CNTNAP2: variants seen among roughly 807,000 people sequenced by gnomAD.
The protein encoded by CNTNAP2 is contactin-associated protein-like 2.
CNTNAP2 carries 98 observed loss-of-function variants against 155.2 expected under a neutral mutation model. That is an observed-to-expected ratio of 0.63 (90% CI 0.54 to 0.75). CNTNAP2 has a LOEUF of 0.75. Among genes scored for constraint, CNTNAP2 ranks in the 30% least tolerant of loss-of-function variants. CNTNAP2 has a pLI of 0.00. For missense variants in CNTNAP2, 1,727 were observed against 1,688.1 expected (o/e 1.02, Z -0.40); for synonymous variants, 651 against 631.2 (o/e 1.03, Z -0.47).
chr7:146,876,295 C>T (rs1266740494), intron 3 of CNTNAP2, among the ~76,000 whole-genome samples: 2 of 152,040 alleles, frequency 1.3e-5, no homozygotes, highest in Admixed American at 6.6e-5. Flanking sequence ...TATTTGCTGC[C>T]AAGTCCCCCA....
intron 9 of CNTNAP2, among the ~76,000 whole-genome samples, chr7:147,338,627 T>C (rs1371306986): frequency 6.6e-6 from 1 of 152,144 alleles, no homozygotes; most frequent in African/African-American, 2.4e-5. Context: ...GTTTCAAGTC[T>C]AATTTAAACT....
At chr7:147,176,868 A>T (rs1425749384) in intron 8 of CNTNAP2, among the ~76,000 whole-genome samples, 1 of 117,804 alleles carries the variant, frequency 8.5e-6, no homozygotes, top group Non-Finnish European at 1.6e-5. Context: ...GATATTATAG[A>T]ATAATTATAA....
At chr7:146,227,065 G>A (rs945525730) in intron 1 of CNTNAP2, among the ~76,000 whole-genome samples, 1 of 152,084 alleles carries the variant, frequency 6.6e-6, no homozygotes, top group Non-Finnish European at 1.5e-5. Context: ...ACACACTTAT[G>A]TATAGATAGG....
At chr7:148,007,903 T>C (rs28777084) in intron 15 of CNTNAP2, among the ~76,000 whole-genome samples, 16,408 of 152,136 alleles carry the variant, frequency 0.11, 1,246 homozygotes, top group East Asian at 0.24. Context: ...GGCAGAATAA[T>C]GTCCGCCACC....
At chr7:147,742,103 C>T (rs1408493073) in intron 13 of CNTNAP2, among the ~76,000 whole-genome samples, 3 of 152,090 alleles carry the variant, frequency 2.0e-5, no homozygotes, top group East Asian at 3.9e-4. Flanking sequence ...TTCACTATCA[C>T]AAAAATAGCC....
intron 1 of CNTNAP2, among the ~76,000 whole-genome samples, chr7:146,339,441 A>T (rs1430541437): frequency 2.0e-5 from 3 of 152,140 alleles, no homozygotes; most frequent in African/African-American, 7.2e-5. Context: ...TTCCATAGTG[A>T]CATGTCCTAA....
rs34878870 is a variant in CNTNAP2 at position 147,805,075 on chromosome 7, A to ATT, written c.2099-98478_2099-98477dup. Among the ~76,000 whole-genome samples, 714 of 146,072 alleles carry ATT rather than the reference A, an allele frequency of 4.9e-3. 7 individuals are homozygous for ATT. Among genetic ancestry groups the ATT allele is most frequent in the African/African-American group, 0.016 (644 of 39,896 alleles). On this transcript the variant is annotated intron_variant, in intron 13 of 23. Transcript: ENST00000361727. ...TCAAAATGACAAATGATTCAATATC[A>ATT]TTTTTTTTTTTTTGAGACGGAGCCT...
At chr7:146,244,501 G>A (rs1185974789) in intron 1 of CNTNAP2, among the ~76,000 whole-genome samples, 1 of 152,208 alleles carries the variant, frequency 6.6e-6, no homozygotes, top group Non-Finnish European at 1.5e-5. Flanking sequence ...AGCATTCTGA[G>A]GACAGGTCTG....
rs192219227 is a variant in CNTNAP2 at position 146,344,668 on chromosome 7, G to A, written c.97+227695G>A. Among the ~76,000 whole-genome samples the A allele has an allele frequency of 2.4e-3, 369 of 152,022 alleles. 1 individual carries two copies. The highest frequency in any genetic ancestry group is 4.0e-3 in the Non-Finnish European group (271 of 67,956). On this transcript the variant is annotated intron_variant, in intron 1 of 23. Transcript: ENST00000361727. ...TAATTTTCATATTTTTAGTAGAGAC[G>A]GGGTTTCACCATGTTGGGCAGGCTG...
intron 3 of CNTNAP2, among the ~76,000 whole-genome samples, chr7:147,015,663 T>C (rs1301164787): frequency 6.6e-6 from 1 of 152,140 alleles, no homozygotes; most frequent in Non-Finnish European, 1.5e-5. Context: ...GTTGTATCAA[T>C]ATGTAAATTT....
chr7:147,242,222 C>A (rs921249182), intron 8 of CNTNAP2, among the ~76,000 whole-genome samples: 9 of 152,114 alleles, frequency 5.9e-5, no homozygotes, highest in Non-Finnish European at 1.2e-4. Context: ...AAAAAGAATT[C>A]CAAAATGCTT....
chr7:146,538,624 C>G (rs984416931), intron 1 of CNTNAP2, among the ~76,000 whole-genome samples: 1 of 151,896 alleles, frequency 6.6e-6, no homozygotes, highest in Non-Finnish European at 1.5e-5. Context: ...TCTCTCAGGT[C>G]TCTTTATCTG....
At chr7:146,184,123 C>A in intron 1 of CNTNAP2, among the ~76,000 whole-genome samples, 1 of 152,184 alleles carries the variant, frequency 6.6e-6, no homozygotes, top group East Asian at 1.9e-4. Context: ...TGCCCCGAAC[C>A]AACTACTCAG....
At chr7:148,240,789 C>T (rs1042452247) in intron 20 of CNTNAP2, among the ~76,000 whole-genome samples, 4 of 152,086 alleles carry the variant, frequency 2.6e-5, no homozygotes, top group Non-Finnish European at 4.4e-5. Flanking sequence ...AGTCTGTGGT[C>T]GAAGGTCCAA....
At chr7:147,081,352 C>G (rs191616805) in intron 4 of CNTNAP2, 1 of 151,914 alleles carries the variant, frequency 6.6e-6, no homozygotes, top group Admixed American at 6.6e-5. Flanking sequence ...ATTTTTGTCT[C>G]TTGAGTCTAC....
Position 146,643,853 on chromosome 7 carries a change from G to T in CNTNAP2, c.98-130418G>T, listed in dbSNP as rs1173769249. On this transcript the variant is annotated intron_variant, in intron 1 of 23. Coordinates refer to ENST00000361727, the MANE Select transcript of CNTNAP2 (RefSeq NM_014141.6). ...TTATTTCCTTGAGCAGTGGTTTGTAGTTCTCCTTGAAGAGGTCCTTCACGT... is the reference window on the plus strand; with the variant it reads ...TTATTTCCTTGAGCAGTGGTTTGTATTTCTCCTTGAAGAGGTCCTTCACGT... 9.2e-5 allele frequency among the ~76,000 whole-genome samples: 14 copies of T among 151,376 alleles called. 1 individual carries two copies. Among genetic ancestry groups the T allele is most frequent in the African/African-American group, 1.9e-4 (8 of 41,298 alleles).
At chr7:147,323,686 G>A (rs1795396119) in intron 9 of CNTNAP2, among the ~76,000 whole-genome samples, 1 of 151,980 alleles carries the variant, frequency 6.6e-6, no homozygotes, top group South Asian at 2.1e-4. Context: ...GTGTGAGTTT[G>A]GAAAATTCAT....
intron 3 of CNTNAP2, among the ~76,000 whole-genome samples, chr7:146,885,810 A>T (rs1405498593): frequency 6.6e-6 from 1 of 152,128 alleles, no homozygotes; most frequent in Non-Finnish European, 1.5e-5. Flanking sequence ...CTTGAAGTCA[A>T]AGATTCTTTT....
intron 8 of CNTNAP2, among the ~76,000 whole-genome samples, chr7:147,163,718 A>G (rs1802071422): frequency 6.6e-6 from 1 of 152,332 alleles, no homozygotes; most frequent in South Asian, 2.1e-4. Context: ...AGAAATTTCT[A>G]TAAATAAGTA....
Sources: allele counts gnomAD v4.1 joint callset (sites outside exome capture counted in the v4.1 genomes callset), GRCh38; gene constraint gnomAD v4.1.1; transcripts MANE v1.5; gene names NCBI Gene and HGNC (gene_info 2026-07-23, HGNC 2026-07-21).